Variants in OTOP1 observed in about 807,000 individuals in gnomAD.
OTOP1 encodes the protein proton channel OTOP1.
In OTOP1, 59 loss-of-function variants were observed where a neutral mutation model predicts 52.9. That is an observed-to-expected ratio of 1.12 (90% confidence interval 0.91 to 1.39). OTOP1 has a LOEUF of 1.39. Ranked by LOEUF, OTOP1 falls within the 40% of genes most tolerant of loss-of-function variation. The pLI is 0.00. For missense variants in OTOP1, 761 were observed against 800.9 expected, an observed-to-expected ratio of 0.95 and a Z score of 0.60; for synonymous variants, 317 against 337.7, an observed-to-expected ratio of 0.94 and a Z score of 0.67.
rs751202657 is a variant in OTOP1 at position 4,197,841 on chromosome 4, T to TACC, written c.990_992dup (p.Val331dup). On this transcript the variant is annotated inframe_insertion, in exon 5 of 6. Coordinates refer to ENST00000296358, the MANE Select transcript of OTOP1 (RefSeq NM_177998.3). ...TGGAGCGCCCAATATGAATCAGGTA[T>TACC]ACCACCACCACAGCAATGGTGGCGG... The TACC allele has an allele frequency of 1.2e-6, 2 of 1,613,992 alleles. No individual in the cohort carries two copies. The highest frequency in any genetic ancestry group is 1.7e-6 in the Non-Finnish European group (2 of 1,180,016).
chr4:4,207,406 C>G (rs893356812), intron 2 of OTOP1, among the ~76,000 whole-genome samples: 1 of 152,134 alleles, frequency 6.6e-6, no homozygotes, highest in African/African-American at 2.4e-5. Context: ...AGACTGTACA[C>G]TTTAAGTACA....
intron 1 of OTOP1, among the ~76,000 whole-genome samples, chr4:4,215,589 A>G (rs4459945): frequency 0.27 from 40,331 of 151,660 alleles, 6,566 homozygotes; most frequent in African/African-American, 0.45. Flanking sequence ...GAACCCAGGA[A>G]GTGGAGGTTG....
At chr4:4,192,995 C>T (rs2980116) in intron 5 of OTOP1, among the ~76,000 whole-genome samples, 152,203 of 152,332 alleles carry the variant, frequency 1, 76,037 homozygotes, top group Middle Eastern at 1. Flanking sequence ...TTTACTTCAC[C>T]ACACACTTGA....
At chr4:4,218,375 G>C (rs1373370534) in intron 1 of OTOP1, among the ~76,000 whole-genome samples, 1 of 135,648 alleles carries the variant, frequency 7.4e-6, no homozygotes, top group Non-Finnish European at 1.6e-5. Context: ...ATGGGTGACA[G>C]AGCGAGACTC....
chr4:4,196,453 A>C (rs1716627419), intron 5 of OTOP1, among the ~76,000 whole-genome samples: 1 of 152,244 alleles, frequency 6.6e-6, no homozygotes, highest in Non-Finnish European at 1.5e-5. Flanking sequence ...GCTACTCTGG[A>C]GGCTGAGGCA....
At chr4:4,214,886 A>T (rs1222724650) in intron 1 of OTOP1, among the ~76,000 whole-genome samples, 1 of 152,232 alleles carries the variant, frequency 6.6e-6, no homozygotes, top group Non-Finnish European at 1.5e-5. Context: ...ACAAAAGTGT[A>T]TATGTTCTTA....
intron 5 of OTOP1, among the ~76,000 whole-genome samples, chr4:4,192,139 A>G (rs775963975): frequency 6.6e-6 from 1 of 152,222 alleles, no homozygotes; most frequent in Non-Finnish European, 1.5e-5. Flanking sequence ...TTCCAAGCCC[A>G]GGCCTTAGGA....
intron 1 of OTOP1, among the ~76,000 whole-genome samples, chr4:4,219,517 C>A (rs1384687585): frequency 6.6e-6 from 1 of 151,736 alleles, no homozygotes; most frequent in Non-Finnish European, 1.5e-5. Flanking sequence ...CTGGCCAACA[C>A]GGTGAAACCC....
intron 1 of OTOP1, among the ~76,000 whole-genome samples, chr4:4,223,216 T>C (rs75278563): frequency 0.04 from 6,098 of 152,282 alleles, 161 homozygotes; most frequent in African/African-American, 0.069. Flanking sequence ...ACCTCAAACA[T>C]AGCATGTCCA....
At chr4:4,204,078 C>T (rs900703844) in intron 3 of OTOP1, among the ~76,000 whole-genome samples, 10 of 152,162 alleles carry the variant, frequency 6.6e-5, no homozygotes, top group Non-Finnish European at 7.4e-5. Flanking sequence ...ATGGTGCAAC[C>T]GCATCCTCAA....
chr4:4,214,255 T>A (rs1295088185), intron 1 of OTOP1, among the ~76,000 whole-genome samples: 1 of 151,584 alleles, frequency 6.6e-6, no homozygotes, highest in Non-Finnish European at 1.5e-5. Flanking sequence ...CAAAATACCA[T>A]CACACTATCA....
At chr4:4,226,337 A>G (rs1032610814) in intron 1 of OTOP1, 125 bp downstream of exon 1, 53 of 979,474 alleles carry the variant, frequency 5.4e-5, no homozygotes, top group Admixed American at 8.0e-5. Context: ...GGAAAGATGC[A>G]CAGAGAGACC....
chr4:4,193,216 C>T (rs983693842), intron 5 of OTOP1, among the ~76,000 whole-genome samples: 1 of 152,042 alleles, frequency 6.6e-6, no homozygotes, highest in African/African-American at 2.4e-5. Flanking sequence ...GTGAGCCCTG[C>T]CTTGCCTTGC....
chr4:4,201,503 C>CACACACACATAT (rs1716788733), intron 4 of OTOP1, among the ~76,000 whole-genome samples: 1 of 145,630 alleles, frequency 6.9e-6, no homozygotes, highest in Non-Finnish European at 1.5e-5. Flanking sequence ...CACACACATA[C>CACACACACATAT]ACACACACAT....
chr4:4,197,874 G>T lies in OTOP1; in HGVS notation c.960C>A (p.Thr320=), dbSNP rs774356308. Residue 320 remains threonine (T), a synonymous_variant, in exon 5 of 6, where the codon ACC becomes ACA. Coordinates refer to ENST00000296358, the MANE Select transcript of OTOP1 (RefSeq NM_177998.3). ...GVMVGAVLGL[T]VLAATIAVVV... Reference sequence around the variant, plus strand: ...CCACAGCAATGGTGGCGGCCAGCACGGTCAGGCCCAGGACTGCGCCCACCA... The same window carrying T: ...CCACAGCAATGGTGGCGGCCAGCACTGTCAGGCCCAGGACTGCGCCCACCA... 11 of 1,613,964 alleles carry T rather than the reference G, an allele frequency of 6.8e-6. No individual in the cohort carries two copies. Among genetic ancestry groups the T allele is most frequent in the Non-Finnish European group, 9.3e-6 (11 of 1,180,024 alleles).
intron 1 of OTOP1, among the ~76,000 whole-genome samples, chr4:4,214,744 T>A (rs368776241): frequency 6.6e-6 from 1 of 152,198 alleles, no homozygotes; most frequent in East Asian, 1.9e-4. Context: ...AGGTATCAAA[T>A]GTAAGCAAAT....
Position 4,197,457 on chromosome 4 carries a change from T to A in OTOP1, c.1377A>T (p.Gln459His). Residue 459 changes from glutamine to histidine, a missense_variant, in exon 5 of 6, where the codon CAA becomes CAT. This residue lies in a region of OTOP1 where 632 missense variants were observed against 619.5 expected (regional missense o/e 1.02). Coordinates refer to ENST00000296358, the MANE Select transcript of OTOP1 (RefSeq NM_177998.3). ...TGCAGACTGTGACCACCCGAAGGGT[T>A]TGGATGTCCTCAGAGAGTTTTTCAG... ...REPEKLSEDI[Q>H]TLRVVTVCNG... 1 of 1,613,828 alleles carries A rather than the reference T, an allele frequency of 6.2e-7. No homozygotes were observed. Among genetic ancestry groups the A allele is most frequent in the Non-Finnish European group, 8.5e-7 (1 of 1,179,938 alleles).
At chr4:4,213,805 A>G (rs757594800) in intron 1 of OTOP1, among the ~76,000 whole-genome samples, 6 of 152,142 alleles carry the variant, frequency 3.9e-5, no homozygotes, top group African/African-American at 1.2e-4. Flanking sequence ...ATTAACAACA[A>G]TGGGTTGGGC....
chr4:4,219,503 C>T lies in OTOP1; in HGVS notation c.404-6499G>A, dbSNP rs559327966. 1.3e-3 allele frequency among the ~76,000 whole-genome samples: 191 copies of T among 151,952 alleles called. 1 individual carries two copies. The highest frequency in any genetic ancestry group is 1.9e-3 in the Non-Finnish European group (126 of 67,954). The stretch of plus-strand genomic sequence containing the variant: ...GATCAGGATGTCGGGAGATCGAGAC[C>T]ATCCTGGCCAACACGGTGAAACCCC... On this transcript the variant is annotated intron_variant, in intron 1 of 5. Transcript: ENST00000296358.
Sources: gnomAD v4.1 joint callset for allele counts (sites outside exome capture counted in the v4.1 genomes callset) on GRCh38, gnomAD v4.1.1 for gene constraint, gnomAD v4.1.1 regional missense constraint, MANE v1.5 for transcripts, NCBI Gene and HGNC (gene_info 2026-07-23, HGNC 2026-07-21) for gene names.